The following CNTNAP2 variants were observed in gnomAD, a reference collection of about 807,000 sequenced individuals.
The protein encoded by CNTNAP2 is contactin-associated protein-like 2.
A neutral mutation model predicts 155.2 loss-of-function variants in CNTNAP2; 98 were observed. The ratio of observed to expected loss-of-function variants is 0.63; its 90% CI spans 0.54 to 0.75. The LOEUF is 0.75. Ranked by LOEUF, CNTNAP2 falls within the 30% of genes least tolerant of loss-of-function variation. The probability of loss-of-function intolerance (pLI) is 0.00; values close to 1 mark genes in which losing one functional copy is unlikely to be tolerated. For synonymous variants in CNTNAP2, 651 were observed against 631.2 expected (o/e 1.03, Z -0.47); for missense variants, 1,727 against 1,688.1 (o/e 1.02, Z -0.40).
intron 9 of CNTNAP2, among the ~76,000 whole-genome samples, chr7:147,358,536 C>A (rs183573904): frequency 1.3e-5 from 2 of 151,848 alleles, no homozygotes; most frequent in Non-Finnish European, 2.9e-5. Flanking sequence ...AATGTTTGAA[C>A]GATCTATAAT....
chr7:146,581,353 T>C (rs796598580), intron 1 of CNTNAP2, among the ~76,000 whole-genome samples: 1 of 152,136 alleles, frequency 6.6e-6, no homozygotes, highest in African/African-American at 2.4e-5. Flanking sequence ...TTTTATTTTG[T>C]TATATTGCAA....
chr7:146,838,615 G>A (rs995544385), intron 2 of CNTNAP2, among the ~76,000 whole-genome samples: 4 of 111,448 alleles, frequency 3.6e-5, no homozygotes, highest in African/African-American at 1.8e-4. Context: ...ACTGAGCCCA[G>A]TCAGTTATTT....
intron 1 of CNTNAP2, among the ~76,000 whole-genome samples, chr7:146,732,547 T>C (rs969362762): frequency 1.1e-4 from 17 of 152,140 alleles, no homozygotes; most frequent in Non-Finnish European, 2.2e-4. Flanking sequence ...GAGAGATAAC[T>C]TCAATGCATT....
intron 8 of CNTNAP2, among the ~76,000 whole-genome samples, chr7:147,140,914 T>A (rs535676960): frequency 3.3e-4 from 51 of 152,254 alleles, no homozygotes; most frequent in African/African-American, 1.2e-3. Flanking sequence ...TGTACTGCTA[T>A]AAAGGCTGGC....
At chr7:146,788,725 C>A (rs1160908438) in intron 2 of CNTNAP2, among the ~76,000 whole-genome samples, 2 of 152,120 alleles carry the variant, frequency 1.3e-5, no homozygotes, top group Non-Finnish European at 2.9e-5. Flanking sequence ...CATGTTTAAG[C>A]TTCCTGTCCT....
intron 1 of CNTNAP2, among the ~76,000 whole-genome samples, chr7:146,634,662 A>G (rs1186199605): frequency 1.3e-5 from 2 of 152,188 alleles, no homozygotes; most frequent in East Asian, 1.9e-4. Context: ...TTAAAATGCA[A>G]CCAGTCATGC....
At chr7:147,373,067 A>T (rs1796374589) in intron 9 of CNTNAP2, among the ~76,000 whole-genome samples, 1 of 152,082 alleles carries the variant, frequency 6.6e-6, no homozygotes, top group Admixed American at 6.6e-5. Flanking sequence ...TCCCTCGAAG[A>T]CTTGACTCTA....
At chr7:147,024,482 A>G (rs1798866744) in intron 3 of CNTNAP2, among the ~76,000 whole-genome samples, 1 of 152,220 alleles carries the variant, frequency 6.6e-6, no homozygotes, top group African/African-American at 2.4e-5. Context: ...TAGGAACTCA[A>G]CTGTATTAGT....
At chr7:146,735,859 T>C (rs1801610482) in intron 1 of CNTNAP2, among the ~76,000 whole-genome samples, 1 of 152,128 alleles carries the variant, frequency 6.6e-6, no homozygotes, top group South Asian at 2.1e-4. Flanking sequence ...TGACTGTAGT[T>C]AAAAATAATT....
At chr7:147,299,844 G>A (rs999548966) in intron 8 of CNTNAP2, among the ~76,000 whole-genome samples, 2 of 152,130 alleles carry the variant, frequency 1.3e-5, no homozygotes, top group Admixed American at 1.3e-4. Flanking sequence ...CACTTTGGGA[G>A]GCCGAGGTCA....
chr7:146,282,361 C>T (rs758037899), intron 1 of CNTNAP2, among the ~76,000 whole-genome samples: 12 of 152,206 alleles, frequency 7.9e-5, no homozygotes, highest in Non-Finnish European at 1.3e-4. Flanking sequence ...CTAGCTCCAT[C>T]GACTGCATCT....
At chr7:146,729,938 T>A (rs191277436) in intron 1 of CNTNAP2, among the ~76,000 whole-genome samples, 1 of 152,142 alleles carries the variant, frequency 6.6e-6, no homozygotes, top group Non-Finnish European at 1.5e-5. Flanking sequence ...AGGTAATCAA[T>A]CTTAACAATT....
chr7:146,525,570 ATCTATCTCTCTATCT>A (rs1797678373), intron 1 of CNTNAP2, among the ~76,000 whole-genome samples: 4 of 140,126 alleles, frequency 2.9e-5, no homozygotes, highest in African/African-American at 1.3e-4. Context: ...CTATCTATCT[ATCTATCTCTCTATCT>A]ATCATCTATC....
intron 12 of CNTNAP2, among the ~76,000 whole-genome samples, chr7:147,572,134 C>T (rs1800306509): frequency 6.6e-6 from 1 of 152,158 alleles, no homozygotes; most frequent in East Asian, 1.9e-4. Context: ...CTGTAAAGAA[C>T]TCTTCTCCGT....
intron 12 of CNTNAP2, among the ~76,000 whole-genome samples, chr7:147,608,199 T>C (rs1241324832): frequency 8.3e-6 from 1 of 120,390 alleles, no homozygotes; most frequent in African/African-American, 3.3e-5. Context: ...ATTATCTTAC[T>C]GTTCATCTCA....
At chr7:147,718,805 C>A (rs182754685) in intron 13 of CNTNAP2, among the ~76,000 whole-genome samples, 8 of 152,218 alleles carry the variant, frequency 5.3e-5, no homozygotes, top group African/African-American at 1.9e-4. Flanking sequence ...CTTCCTGAGC[C>A]CAATGTAATA....
At chr7:147,539,037 G>A (rs1489398569) in intron 11 of CNTNAP2, among the ~76,000 whole-genome samples, 4 of 152,030 alleles carry the variant, frequency 2.6e-5, no homozygotes, top group Non-Finnish European at 4.4e-5. Flanking sequence ...TTGTTTTTAG[G>A]TTATCTAGAC....
At chr7:147,811,924 T>C (rs1056497589) in intron 13 of CNTNAP2, among the ~76,000 whole-genome samples, 1 of 152,118 alleles carries the variant, frequency 6.6e-6, no homozygotes, top group African/African-American at 2.4e-5. Context: ...GAGAGGCTGA[T>C]AAATACTAAA....
chr7:147,211,706 A>C (rs1239975594), intron 8 of CNTNAP2, among the ~76,000 whole-genome samples: 1 of 152,088 alleles, frequency 6.6e-6, no homozygotes, highest in Non-Finnish European at 1.5e-5. Flanking sequence ...GAATCCTAGA[A>C]GAAGACCTAA....
Sources: allele counts gnomAD v4.1 joint callset (sites outside exome capture counted in the v4.1 genomes callset), GRCh38; gene constraint gnomAD v4.1.1; transcripts MANE v1.5; gene names NCBI Gene and HGNC (gene_info 2026-07-23, HGNC 2026-07-21).